DNASE1: variants seen among roughly 807,000 people sequenced by gnomAD.
DNASE1 encodes deoxyribonuclease-1.
In DNASE1, 40 loss-of-function variants were observed where a neutral mutation model predicts 33.9. The observed-to-expected ratio is 1.18, with a 90% CI of 0.92 to 1.54. The LOEUF (loss-of-function observed/expected upper bound fraction) is 1.54. DNASE1 is among the 40% of genes most tolerant of loss of function. DNASE1 has a pLI of 0.00. For synonymous variants in DNASE1, 216 were observed against 160.0 expected (o/e 1.35, Z -2.64); for missense variants, 518 against 372.6 (o/e 1.39, Z -3.21).
intron 1 of DNASE1, among the ~76,000 whole-genome samples, chr16:3,646,745 T>C (rs2042182627): frequency 2.0e-5 from 3 of 152,066 alleles, no homozygotes; most frequent in African/African-American, 7.2e-5. Context: ...GGCTGGGACA[T>C]GTACCTGGAA....
chr16:3,629,580 A>G (rs1297824501), intron 1 of DNASE1, among the ~76,000 whole-genome samples: 5 of 152,148 alleles, frequency 3.3e-5, no homozygotes, highest in Admixed American at 3.3e-4. Flanking sequence ...TGAGGGTAAT[A>G]CTGGCCTGTT....
intron 1 of DNASE1, among the ~76,000 whole-genome samples, chr16:3,621,969 C>T (rs902953096): frequency 6.6e-6 from 1 of 152,140 alleles, no homozygotes; most frequent in African/African-American, 2.4e-5. Flanking sequence ...GCCTGTAATG[C>T]CAGTACTTTG....
At chr16:3,659,855 TTC>T (rs2042969722), downstream of DNASE1, 1 of 151,912 alleles carries the variant, frequency 6.6e-6, no homozygotes, top group Non-Finnish European at 1.5e-5. Context: ...TTTCAAGAGG[TTC>T]TCTTGCCTCA....
chr16:3,626,282 A>G (rs1006230920), intron 1 of DNASE1, among the ~76,000 whole-genome samples: 6 of 152,212 alleles, frequency 3.9e-5, no homozygotes, highest in Non-Finnish European at 8.8e-5. Context: ...ATTTAGTCAA[A>G]GAAAATGCAA....
intron 1 of DNASE1, among the ~76,000 whole-genome samples, chr16:3,623,312 C>G (rs1023759014): frequency 1.3e-5 from 2 of 152,136 alleles, no homozygotes; most frequent in African/African-American, 4.8e-5. Flanking sequence ...AACCGTACCT[C>G]TATCTCTCAC....
At chr16:3,658,947 A>G, downstream of DNASE1, 1 of 1,431,354 alleles carries the variant, frequency 7.0e-7, no homozygotes, top group Non-Finnish European at 9.8e-7. Context: ...TTATCAGGAT[A>G]TTTAAAGAAG....
chr16:3,659,009 A>G (rs1192582412), downstream of DNASE1: 3 of 772,616 alleles, frequency 3.9e-6, no homozygotes, highest in African/African-American at 1.7e-5. Context: ...ATGATCATTT[A>G]TAGATAATAT....
chr16:3,656,727 T>C lies in DNASE1; in HGVS notation c.410T>C (p.Ile137Thr). 1.9e-6 allele frequency: 3 copies of C among 1,612,002 alleles called. No homozygotes were observed. The highest frequency in any genetic ancestry group is 1.7e-4 in the Middle Eastern group (1 of 6,060). The part of the protein sequence containing the change: ...GNDTFNREPA[I>T]VRFFSRFTEV... ...GACACCTTCAACCGAGAGCCAGCCATTGTCAGGTTCTTCTCCCGGTTCACA... is the reference window on the plus strand; with the variant it reads ...GACACCTTCAACCGAGAGCCAGCCACTGTCAGGTTCTTCTCCCGGTTCACA... Residue 137 changes from isoleucine to threonine, a missense_variant, in exon 5 of 9, where the codon ATT becomes ACT. Physicochemically the swap from Ile to Thr is moderately conservative, Grantham distance 89. Transcript: ENST00000246949.
At chr16:3,620,691 T>C (rs2041276500) in intron 1 of DNASE1, among the ~76,000 whole-genome samples, 2 of 152,208 alleles carry the variant, frequency 1.3e-5, no homozygotes, top group East Asian at 1.9e-4. Context: ...TTTGTACTTA[T>C]AACCTGTATG....
chr16:3,654,803 C>A lies in DNASE1; in HGVS notation c.-243C>A. 1 of 402,000 alleles carries A rather than the reference C, an allele frequency of 2.5e-6. No individual in the cohort carries two copies. The highest frequency in any genetic ancestry group is 4.3e-5 in the Admixed American group (1 of 23,140). The allele number at this position is 402,000 out of a possible 1,614,324, so 24.9% of individuals were successfully genotyped here. A position where few individuals can be genotyped will look rare whatever the true frequency, so the allele number is the denominator to read the frequency against. On this transcript the variant is annotated 5_prime_UTR_variant, in exon 1 of 9. Transcript: ENST00000246949. ...TGTTTTCTGCACTCTCAGGTGACGGCTCACATTTGCCCCAGGGAAGGTCAC... is the reference window on the plus strand; with the variant it reads ...TGTTTTCTGCACTCTCAGGTGACGGATCACATTTGCCCCAGGGAAGGTCAC...
At chr16:3,662,875 G>A (rs770422725), downstream of DNASE1, 21 of 1,613,386 alleles carry the variant, frequency 1.3e-5, no homozygotes, top group East Asian at 1.8e-4. Flanking sequence ...CCCCGGGAAA[G>A]CCTCACCTTC....
intron 4 of DNASE1, 23 bp from the exon 5 acceptor site, chr16:3,656,615 C>T (rs1448330287): frequency 1.3e-6 from 2 of 1,592,182 alleles, no homozygotes; most frequent in Non-Finnish European, 8.6e-7. Context: ...GGGGTCACCT[C>T]CTCCTGCCCG....
intron 7 of DNASE1, 42 bp from the exon 8 acceptor site, chr16:3,657,678 G>T: frequency 5.0e-6 from 8 of 1,611,716 alleles, no homozygotes; most frequent in Non-Finnish European, 6.8e-6. Flanking sequence ...CCAGGCCCAT[G>T]TGTGAAAGGG....
chr16:3,637,123 C>CA (rs55645773), intron 1 of DNASE1, among the ~76,000 whole-genome samples: 2,016 of 144,356 alleles, frequency 0.014, 40 homozygotes, highest in African/African-American at 0.045. Context: ...GACTCCATCT[C>CA]AAAAAAAAAA....
upstream of DNASE1, among the ~76,000 whole-genome samples, chr16:3,638,386 G>C (rs907439112): frequency 6.6e-6 from 1 of 152,136 alleles, no homozygotes; most frequent in African/African-American, 2.4e-5. Context: ...TGCCCAGGCT[G>C]GAGTACAGTG....
exon 10 of DNASE1, chr16:3,665,019 G>C (rs565296875): frequency 6.5e-6 from 1 of 154,062 alleles, no homozygotes; most frequent in African/African-American, 2.4e-5. Flanking sequence ...AAAACAGAAA[G>C]AGGGAAAAGC....
Position 3,614,398 on chromosome 16 carries a change from A to G in DNASE1, c.-1359+2392A>G, listed in dbSNP as rs1234658588. On this transcript the variant is annotated intron_variant and NMD_transcript_variant, in intron 1 of 11. Coordinates refer to the DNASE1 transcript ENST00000570769. ...TCTCAAGAAAAGGAGGCGTGCCACC[A>G]CGTTCAGAGCCACAAGGGAGACATC... 2.0e-5 allele frequency among the ~76,000 whole-genome samples: 3 copies of G among 152,374 alleles called. No individual in the cohort carries two copies. In the East Asian group the frequency reaches 5.8e-4, roughly 29 times the overall value.
At chr16:3,627,594 A>T (rs1367095267) in intron 1 of DNASE1, among the ~76,000 whole-genome samples, 2 of 151,938 alleles carry the variant, frequency 1.3e-5, no homozygotes, top group Non-Finnish European at 2.9e-5. Context: ...GTTTCCTATG[A>T]CTTTGATATG....
At chr16:3,619,107 T>A (rs995336447) in intron 1 of DNASE1, among the ~76,000 whole-genome samples, 1 of 151,988 alleles carries the variant, frequency 6.6e-6, no homozygotes, top group Non-Finnish European at 1.5e-5. Flanking sequence ...CAATCTCAGC[T>A]CACTGCAACC....
Sources: allele counts gnomAD v4.1 joint callset (sites outside exome capture counted in the v4.1 genomes callset), GRCh38; gene constraint gnomAD v4.1.1; transcripts MANE v1.5; gene names NCBI Gene and HGNC (gene_info 2026-07-23, HGNC 2026-07-21).